XRN2: variants seen among roughly 807,000 people sequenced by gnomAD.
The protein encoded by XRN2 is DHM1-like protein.
XRN2 carries 44 observed loss-of-function variants against 138.5 expected under a neutral mutation model. That is an observed-to-expected ratio of 0.32 (90% CI 0.25 to 0.41). XRN2 has a LOEUF of 0.41. Among genes scored for constraint, XRN2 ranks in the 10% least tolerant of loss-of-function variants. The pLI is 1.00. For missense variants in XRN2, 937 were observed against 1,169.3 expected (o/e 0.80, Z 2.90); for synonymous variants, 354 against 369.4 (o/e 0.96, Z 0.48).
intron 13 of XRN2, among the ~76,000 whole-genome samples, chr20:21,338,742 T>C (rs1049924810): frequency 1.3e-5 from 2 of 152,200 alleles, no homozygotes; most frequent in Admixed American, 1.3e-4. Flanking sequence ...TGACAGCCTG[T>C]TTGCTCCAGG....
chr20:21,333,855 G>A lies in XRN2; in HGVS notation c.1067+18G>A, dbSNP rs534341335. 1 of 1,614,110 alleles carries A rather than the reference G, an allele frequency of 6.2e-7. No homozygotes were observed. Among genetic ancestry groups the A allele is most frequent in the Non-Finnish European group, 8.5e-7 (1 of 1,180,006 alleles). ...GAGATTAGGTATGTGCATTTGTGTA[G>A]CTTTTCAAACGACTGTTTTAGGCTT... On this transcript the variant is annotated intron_variant, in intron 11 of 29. Transcript: ENST00000377191.
In XRN2 at chr20:21,382,027, C is replaced by T. The variant is rs768908552; in HGVS notation, c.2618C>T (p.Pro873Leu). Reference protein sequence around the residue: ...MRPQDSWRGPPPLFQQQRFDR... With the variant: ...MRPQDSWRGPLPLFQQQRFDR... Reference sequence around the variant, plus strand: ...CCCCAGGATTCCTGGCGAGGTCCTCCTCCCCTTTTCCAGCAGCAAAGGTTT... The same window carrying T: ...CCCCAGGATTCCTGGCGAGGTCCTCTTCCCCTTTTCCAGCAGCAAAGGTTT... Residue 873 changes from proline to leucine, a missense_variant, in exon 28 of 30, where the codon CCT becomes CTT. Coordinates refer to ENST00000377191, the MANE Select transcript of XRN2 (RefSeq NM_012255.5). The T allele has an allele frequency of 1.2e-6, 2 of 1,604,958 alleles. No homozygotes were observed. The highest frequency in any genetic ancestry group is 1.7e-6 in the Non-Finnish European group (2 of 1,176,030).
At chr20:21,329,229 T>A (rs2038169349) in intron 4 of XRN2, among the ~76,000 whole-genome samples, 1 of 152,170 alleles carries the variant, frequency 6.6e-6, no homozygotes, top group Non-Finnish European at 1.5e-5. Flanking sequence ...TAGGGTGGGA[T>A]GTCTTCATTT....
At chr20:21,328,710 AT>A in intron 4 of XRN2, 40 bp downstream of exon 4, 1 of 1,583,636 alleles carries the variant, frequency 6.3e-7, no homozygotes, top group Non-Finnish European at 8.6e-7. Context: ...TTTTCATAAG[AT>A]GTATGCAGAA....
chr20:21,327,789 A>T (rs547597335), intron 3 of XRN2, among the ~76,000 whole-genome samples: 1 of 152,292 alleles, frequency 6.6e-6, no homozygotes, highest in East Asian at 1.9e-4. Context: ...CATTCTACAG[A>T]AAAGGGAATT....
chr20:21,386,103 T>C (rs984821280), intron 28 of XRN2, among the ~76,000 whole-genome samples: 1 of 152,248 alleles, frequency 6.6e-6, no homozygotes, highest in Admixed American at 6.5e-5. Flanking sequence ...ACATTATACC[T>C]GTTGCTTTGC....
At chr20:21,323,692 G>A (rs138731215) in intron 1 of XRN2, among the ~76,000 whole-genome samples, 28 of 152,276 alleles carry the variant, frequency 1.8e-4, no homozygotes, top group African/African-American at 5.5e-4. Context: ...CACCTACTCC[G>A]TACTTTATTT....
chr20:21,373,047 C>G (rs1012021037), intron 27 of XRN2, among the ~76,000 whole-genome samples: 1 of 151,882 alleles, frequency 6.6e-6, no homozygotes, highest in Admixed American at 6.6e-5. Flanking sequence ...GGGTCTTGCT[C>G]TGTTGCCCAG....
At chr20:21,326,228 C>G (rs2038126820) in intron 1 of XRN2, 51 bp from the exon 2 acceptor site, 1 of 1,578,212 alleles carries the variant, frequency 6.3e-7, no homozygotes, top group South Asian at 1.1e-5. Flanking sequence ...TAGGATCTGT[C>G]ATTTTTAGAC....
intron 1 of XRN2, among the ~76,000 whole-genome samples, chr20:21,319,398 G>C (rs1330594746): frequency 6.6e-6 from 1 of 151,912 alleles, no homozygotes; most frequent in Non-Finnish European, 1.5e-5. Flanking sequence ...TATTGATAGA[G>C]TTACATTTTA....
At chr20:21,388,177 G>A (rs1293065751) in intron 29 of XRN2, among the ~76,000 whole-genome samples, 1 of 152,122 alleles carries the variant, frequency 6.6e-6, no homozygotes, top group Non-Finnish European at 1.5e-5. Context: ...TCCAAGTCAG[G>A]AACTGAAACC....
At chr20:21,310,191 G>A (rs1409043828) in intron 1 of XRN2, among the ~76,000 whole-genome samples, 1 of 152,040 alleles carries the variant, frequency 6.6e-6, no homozygotes, top group Non-Finnish European at 1.5e-5. Context: ...ACTCCCTTTG[G>A]CCCGCTGGTT....
intron 1 of XRN2, among the ~76,000 whole-genome samples, chr20:21,317,391 TATG>T (rs1249519054): frequency 6.6e-6 from 1 of 152,180 alleles, no homozygotes; most frequent in Non-Finnish European, 1.5e-5. Context: ...AATCTGTTAA[TATG>T]ATGTGTTTAA....
intron 27 of XRN2, among the ~76,000 whole-genome samples, chr20:21,379,363 A>G (rs2038858670): frequency 6.6e-6 from 1 of 152,210 alleles, no homozygotes. Context: ...CTTCTGCTTT[A>G]TGAATACTTC....
At chr20:21,311,051 G>A (rs1402366128) in intron 1 of XRN2, among the ~76,000 whole-genome samples, 2 of 152,084 alleles carry the variant, frequency 1.3e-5, no homozygotes, top group African/African-American at 2.4e-5. Context: ...GCGCCTGTCC[G>A]GGTCTGGCTT....
At chr20:21,334,235 C>G in intron 13 of XRN2, 50 bp downstream of exon 13, 1 of 1,421,154 alleles carries the variant, frequency 7.0e-7, no homozygotes, top group South Asian at 1.2e-5. Context: ...CTCTAATAGG[C>G]TATGATGATC....
At chr20:21,350,525 CAAAAAAAA>C (rs11484426) in intron 20 of XRN2, among the ~76,000 whole-genome samples, 2 of 58,946 alleles carry the variant, frequency 3.4e-5, no homozygotes, top group Non-Finnish European at 5.6e-5. Flanking sequence ...GACTCCGTCT[CAAAAAAAA>C]AAAAAAAAAA....
chr20:21,324,389 T>C (rs1369678568), intron 1 of XRN2, among the ~76,000 whole-genome samples: 1 of 152,164 alleles, frequency 6.6e-6, no homozygotes, highest in Non-Finnish European at 1.5e-5. Context: ...TGTTTATCAT[T>C]CCTTTGCTTT....
intron 24 of XRN2, among the ~76,000 whole-genome samples, chr20:21,359,580 A>G (rs998247197): frequency 3.3e-5 from 5 of 152,150 alleles, no homozygotes; most frequent in African/African-American, 4.8e-5. Flanking sequence ...ATTCAGGTGT[A>G]TATTGAAAAT....
Sources: allele counts gnomAD v4.1 joint callset (sites outside exome capture counted in the v4.1 genomes callset), GRCh38; gene constraint gnomAD v4.1.1; transcripts MANE v1.5; gene names NCBI Gene and HGNC (gene_info 2026-07-23, HGNC 2026-07-21).